BSN: variants seen among roughly 807,000 people sequenced by gnomAD.
BSN encodes bassoon presynaptic cytomatrix protein.
BSN carries 57 observed loss-of-function variants against 264.8 expected under a neutral mutation model. That is an observed-to-expected ratio of 0.22 (90% CI 0.17 to 0.27). The LOEUF is 0.27. BSN is among the 10% of genes least tolerant of loss of function. The pLI is 1.00. For synonymous variants in BSN, 2,059 were observed against 2,137.3 expected, an observed-to-expected ratio of 0.96 and a Z score of 1.01; for missense variants, 4,615 against 5,232.5, an observed-to-expected ratio of 0.88 and a Z score of 3.64.
At chr3:49,609,620 C>T (rs1441127946) in intron 1 of BSN, among the ~76,000 whole-genome samples, 1 of 152,150 alleles carries the variant, frequency 6.6e-6, no homozygotes, top group Non-Finnish European at 1.5e-5. Flanking sequence ...GCTGCTGTGC[C>T]TGACATGCAT....
chr3:49,582,218 T>C (rs71324979), intron 1 of BSN, among the ~76,000 whole-genome samples: 43,681 of 152,124 alleles, frequency 0.29, 6,813 homozygotes, highest in Middle Eastern at 0.31. Flanking sequence ...TGGTATCTTA[T>C]TGTAGTTTTG....
In BSN at chr3:49,657,450, C is replaced by T. The variant is rs781389616; in HGVS notation, c.7894C>T (p.Arg2632Cys). 9 of 1,612,514 alleles carry T rather than the reference C, an allele frequency of 5.6e-6. No homozygotes were observed. Among genetic ancestry groups the T allele is most frequent in the South Asian group, 4.4e-5 (4 of 91,060 alleles). The change falls in exon 5 of 12, where the codon CGT becomes TGT. Residue 2632 changes from arginine to cysteine, a missense_variant. By Grantham distance (180) the Arg-to-Cys change is radical (BLOSUM62 -3). Coordinates refer to ENST00000296452, the MANE Select transcript of BSN (RefSeq NM_003458.4). ...WEQPVRRRRS[R>C]LPRHSDSGSD... ...GCAGCCAGTGCGCCGCCGCAGGTCT[C>T]GTCTTCCCCGCCACTCAGACTCAGG...
At chr3:49,646,929 G>T (rs1211607695) in intron 3 of BSN, among the ~76,000 whole-genome samples, 1 of 152,220 alleles carries the variant, frequency 6.6e-6, no homozygotes, top group Non-Finnish European at 1.5e-5. Context: ...GGGTCGCAGA[G>T]TCAGGAGAGG....
At position 49,625,180 on chromosome 3, in the gene BSN, G is replaced by T. The variant is rs746291133; in HGVS notation, c.430G>T (p.Val144Leu). 6.4e-6 allele frequency: 10 copies of T among 1,566,284 alleles called. No individual in the cohort carries two copies. The highest frequency in any genetic ancestry group is 8.7e-6 in the Non-Finnish European group (10 of 1,153,996). Residue 144 changes from valine (V) to leucine (L), a missense_variant, in exon 2 of 12, where the codon GTG (valine) becomes TTG (leucine). Val to Leu is a conservative substitution (Grantham distance 32, BLOSUM62 1). Around this residue, in one of 3 missense-constraint regions of BSN, gnomAD observed 1,197 missense variants for 1,348.0 expected, o/e 0.89. Coordinates refer to ENST00000296452, the MANE Select transcript of BSN (RefSeq NM_003458.4). This position sits in a 1 kb window ranked among gnomAD's most constrained non-coding sequence, Gnocchi z 4.4. ...ACAGAGATCAGGGCGGTCCCCCTCAGTGTCACCGGACAGAGGCAGCACCCC... is the reference window on the plus strand; with the variant it reads ...ACAGAGATCAGGGCGGTCCCCCTCATTGTCACCGGACAGAGGCAGCACCCC... ...RTQRSGRSPS[V>L]SPDRGSTPTS...
chr3:49,575,016 T>C (rs1438697832), intron 1 of BSN, among the ~76,000 whole-genome samples: 1 of 152,188 alleles, frequency 6.6e-6, no homozygotes, highest in Non-Finnish European at 1.5e-5. Flanking sequence ...ATGAGACTCT[T>C]CTGGAATTTT....
chr3:49,620,721 G>T (rs2052298810), intron 1 of BSN, among the ~76,000 whole-genome samples: 2 of 152,344 alleles, frequency 1.3e-5, no homozygotes, highest in African/African-American at 4.8e-5. Flanking sequence ...GGGCTTGGTG[G>T]CTCATGCCTG....
chr3:49,577,757 C>T (rs1164595106), intron 1 of BSN, among the ~76,000 whole-genome samples: 4 of 152,082 alleles, frequency 2.6e-5, no homozygotes, highest in African/African-American at 7.2e-5. Flanking sequence ...CCAGGCTGGT[C>T]TCAAACTCCT....
At chr3:49,614,099 G>A (rs4132887) in intron 1 of BSN, among the ~76,000 whole-genome samples, 6 of 127,168 alleles carry the variant, frequency 4.7e-5, no homozygotes, top group Non-Finnish European at 3.1e-5. Context: ...TCGCTCTGTC[G>A]CCCAGGCCAG....
intron 1 of BSN, among the ~76,000 whole-genome samples, chr3:49,576,134 G>A (rs1228616822): frequency 6.6e-6 from 1 of 152,094 alleles, no homozygotes; most frequent in Non-Finnish European, 1.5e-5. Context: ...GGGCTGTTGG[G>A]TACTCCTGTG....
In BSN at chr3:49,663,772, G is replaced by T; in HGVS notation, c.11509-15G>T. On this transcript the variant is annotated splice_polypyrimidine_tract_variant and intron_variant, in intron 7 of 11. Coordinates refer to ENST00000296452, the MANE Select transcript of BSN (RefSeq NM_003458.4). ...GGGCATGGGCAGAATCTTAGCTATA[G>T]GTTCTGTGTTGCAGCCACGGGCAGA... The T allele has an allele frequency of 6.2e-7, 1 of 1,614,102 alleles. No homozygotes were observed. Among genetic ancestry groups the T allele is most frequent in the Non-Finnish European group, 8.5e-7 (1 of 1,180,000 alleles).
intron 2 of BSN, among the ~76,000 whole-genome samples, chr3:49,631,908 C>G (rs1248296307): frequency 6.6e-6 from 1 of 152,216 alleles, no homozygotes; most frequent in Admixed American, 6.5e-5. Flanking sequence ...CTGAAGAACT[C>G]ACACTTCCTG....
Position 49,660,359 on chromosome 3 carries a change from A to G in BSN, c.8641-127A>G, listed in dbSNP as rs2052643556. 1.3e-6 allele frequency: 2 copies of G among 1,487,826 alleles called. No individual in the cohort carries two copies. Among genetic ancestry groups the G allele is most frequent in the Non-Finnish European group, 8.9e-7 (1 of 1,120,456 alleles). 92.2% of individuals were successfully genotyped at this position (1,487,826 alleles called of 1,614,324 possible). On this transcript the variant is annotated intron_variant, in intron 5 of 11. Transcript: ENST00000296452. This position sits in a 1 kb window ranked among gnomAD's most constrained non-coding sequence, Gnocchi z 7.1. ...AGGGTAGGCCTCCAGGCTGCCTGGT[A>G]AATCAGGGCACCAGCAAGATGGAAC...
At chr3:49,560,436 G>A (rs1035828236) in intron 1 of BSN, among the ~76,000 whole-genome samples, 1 of 152,174 alleles carries the variant, frequency 6.6e-6, no homozygotes, top group African/African-American at 2.4e-5. Flanking sequence ...CACCTGCTTG[G>A]CCATTCAGCT....
intron 1 of BSN, among the ~76,000 whole-genome samples, chr3:49,605,544 TATA>T (rs1559602914): frequency 1.6e-4 from 1 of 6,110 alleles, no homozygotes; most frequent in Non-Finnish European, 2.4e-4. Flanking sequence ...ATATATTATA[TATA>T]TTTTATATAA....
intron 2 of BSN, among the ~76,000 whole-genome samples, chr3:49,627,087 T>C (rs898225917): frequency 1.3e-5 from 2 of 152,254 alleles, no homozygotes; most frequent in African/African-American, 4.8e-5. Flanking sequence ...TTCAGATCCA[T>C]AGTGTTTGGT....
At chr3:49,582,493 A>G (rs922872725) in intron 1 of BSN, among the ~76,000 whole-genome samples, 1 of 152,182 alleles carries the variant, frequency 6.6e-6, no homozygotes, top group African/African-American at 2.4e-5. Context: ...TTGATTTTAT[A>G]TCCTTCAGTT....
In BSN at chr3:49,605,564, TTATATATTA is replaced by T. The variant is rs2052119529; in HGVS notation, c.225-19396_225-19388del. On this transcript the variant is annotated intron_variant, in intron 1 of 11. Coordinates refer to ENST00000296452, the MANE Select transcript of BSN (RefSeq NM_003458.4). ...TTATATATATTTTATATAATATATA[TTATATATTA>T]TATATATTATATATTTATATATAAT... is the stretch of plus-strand genomic sequence containing the variant. Among the ~76,000 whole-genome samples the T allele has an allele frequency of 1.1e-3, 3 of 2,760 alleles. 1 individual carries two copies. The allele number at this position is 2,760 out of a possible 152,430, so 1.8% of individuals were successfully genotyped here. A position where few individuals can be genotyped will look rare whatever the true frequency, so the allele number is the denominator to read the frequency against.
chr3:49,564,349 T>C (rs182145726), intron 1 of BSN, among the ~76,000 whole-genome samples: 1 of 152,358 alleles, frequency 6.6e-6, no homozygotes, highest in East Asian at 1.9e-4. Context: ...CATCCTGGAC[T>C]TACACAGCCC....
At chr3:49,611,832 T>C (rs760637975) in intron 1 of BSN, among the ~76,000 whole-genome samples, 1 of 152,120 alleles carries the variant, frequency 6.6e-6, no homozygotes, top group Non-Finnish European at 1.5e-5. Flanking sequence ...TAGGAGATCA[T>C]AGGGGGAGCT....
Sources: gnomAD v4.1 joint callset for allele counts (sites outside exome capture counted in the v4.1 genomes callset) on GRCh38, gnomAD v4.1.1 for gene constraint, gnomAD v4.1.1 regional missense constraint, Gnocchi (gnomAD v3.1) non-coding constraint, MANE v1.5 for transcripts, NCBI Gene and HGNC (gene_info 2026-07-23, HGNC 2026-07-21) for gene names.